The following KLF13 variants were observed in gnomAD, a reference collection of about 807,000 sequenced individuals.
KLF13 encodes the protein Krueppel-like factor 13.
In KLF13, 8 loss-of-function variants were observed where a neutral mutation model predicts 16.7. That is an observed-to-expected ratio of 0.48 (90% CI 0.28 to 0.87). The LOEUF is 0.87. Ranked by LOEUF, KLF13 falls within the 40% of genes least tolerant of loss-of-function variation. The pLI, the probability that KLF13 is intolerant of heterozygous loss-of-function variation, is 0.10. For synonymous variants in KLF13, 245 were observed against 208.4 expected (o/e 1.18, Z -1.51); for missense variants, 447 against 452.2 (o/e 0.99, Z 0.10).
In KLF13 at chr15:31,327,123, C is replaced by G. The variant is rs2038722904; in HGVS notation, c.-90C>G. On this transcript the variant is annotated 5_prime_UTR_variant, in exon 1 of 2. Coordinates refer to ENST00000307145, the MANE Select transcript of KLF13 (RefSeq NM_015995.4). ...CCGAGGAGAGGGCGCGCCGCGCCCC[C>G]GCCCCCCGCCCGCTCTCCCGAGGCC... is the stretch of plus-strand genomic sequence containing the variant. The G allele has an allele frequency of 1.8e-6, 2 of 1,122,662 alleles. No homozygotes were observed. The highest frequency in any genetic ancestry group is 2.2e-6 in the Non-Finnish European group (2 of 903,246). The allele number at this position is 1,122,662 out of a possible 1,614,324, so 69.5% of individuals were successfully genotyped here. A position where few individuals can be genotyped will look rare whatever the true frequency, so the allele number is the denominator to read the frequency against.
At chr15:31,399,941 C>T (rs2040010830) in intron 2 of KLF13, among the ~76,000 whole-genome samples, 1 of 152,236 alleles carries the variant, frequency 6.6e-6, no homozygotes, top group Non-Finnish European at 1.5e-5. Flanking sequence ...CTCTTCAAAG[C>T]TTTAGCTGCC....
chr15:31,328,500 C>T (rs1277102237), intron 1 of KLF13, among the ~76,000 whole-genome samples: 1 of 152,006 alleles, frequency 6.6e-6, no homozygotes, highest in African/African-American at 2.4e-5. Context: ...CGGCCCTAGG[C>T]TCCTCGGCCT....
Position 31,373,380 on chromosome 15 carries a change from C to T in KLF13, c.*1081C>T, listed in dbSNP as rs2039588297. 1 of 152,230 alleles carries T rather than the reference C, an allele frequency of 6.6e-6. No individual in the cohort carries two copies. Among genetic ancestry groups the T allele is most frequent in the South Asian group, 2.1e-4 (1 of 4,824 alleles). 9.4% of individuals were successfully genotyped at this position (152,230 alleles called of 1,614,324 possible). On this transcript the variant is annotated 3_prime_UTR_variant, in exon 2 of 2. Coordinates refer to ENST00000307145, the MANE Select transcript of KLF13 (RefSeq NM_015995.4). The stretch of plus-strand genomic sequence containing the variant: ...AGAGACCGGAACATTGTGACTTGGA[C>T]CTTTTCAGGAGTGGCGCGGATGTTA...
chr15:31,411,589 T>A lies in KLF13; in HGVS notation n.117+17898T>A, dbSNP rs148473169. Among the ~76,000 whole-genome samples, 240 of 150,266 alleles carry A rather than the reference T, an allele frequency of 1.6e-3. 1 individual carries two copies. Among genetic ancestry groups the A allele is most frequent in the African/African-American group, 5.6e-3 (228 of 40,746 alleles). On this transcript the variant is annotated intron_variant and non_coding_transcript_variant, in intron 1 of 1. Coordinates refer to the KLF13 transcript ENST00000558225. ...TTTTTTTTTTTTTTTGTATTTTTAG[T>A]AGAGACGGGGTTTCACCGTGTTAGC...
intron 1 of KLF13, among the ~76,000 whole-genome samples, chr15:31,348,494 A>G (rs1460531158): frequency 1.3e-5 from 2 of 152,186 alleles, no homozygotes; most frequent in Admixed American, 6.5e-5. Flanking sequence ...CCCAGACAGG[A>G]CTGTTGCTTG....
intron 1 of KLF13, among the ~76,000 whole-genome samples, chr15:31,385,982 A>G (rs1399907695): frequency 6.6e-6 from 1 of 152,254 alleles, no homozygotes; most frequent in Non-Finnish European, 1.5e-5. Context: ...ACTCCAGTGA[A>G]TGCATGAATG....
rs2039645530 is a variant in KLF13 at position 31,376,351 on chromosome 15, T to TA, written c.*4058dup. 6.6e-6 allele frequency: 1 copy of TA among 152,316 alleles called. No homozygotes were observed. The highest frequency in any genetic ancestry group is 2.4e-5 in the African/African-American group (1 of 41,432). 9.4% of individuals were successfully genotyped at this position (152,316 alleles called of 1,614,324 possible). On this transcript the variant is annotated 3_prime_UTR_variant, in exon 2 of 2. Coordinates refer to ENST00000307145, the MANE Select transcript of KLF13 (RefSeq NM_015995.4). The stretch of plus-strand genomic sequence containing the variant: ...TGTCACTGATTTTCTTTCCCCCATT[T>TA]AAAAAAGGTCATTTAGTCAAAGACA...
chr15:31,429,966 C>A (rs2040452240), intron 1 of KLF13, among the ~76,000 whole-genome samples: 3 of 152,208 alleles, frequency 2.0e-5, no homozygotes, highest in South Asian at 4.1e-4. Context: ...GATCTCCTGA[C>A]CTTGTGACCG....
At chr15:31,349,145 G>A (rs566545907) in intron 1 of KLF13, among the ~76,000 whole-genome samples, 15 of 152,250 alleles carry the variant, frequency 9.9e-5, no homozygotes, top group African/African-American at 3.6e-4. Flanking sequence ...GGTAGGGTGG[G>A]GTACTGTATC....
chr15:31,400,883 T>C (rs986988766), intron 2 of KLF13, among the ~76,000 whole-genome samples: 1 of 152,038 alleles, frequency 6.6e-6, no homozygotes, highest in African/African-American at 2.4e-5. Context: ...AGGGGCAAGA[T>C]AAGCTGACCC....
At chr15:31,414,484 C>T (rs963022111) in intron 1 of KLF13, among the ~76,000 whole-genome samples, 1 of 152,072 alleles carries the variant, frequency 6.6e-6, no homozygotes, top group African/African-American at 2.4e-5. Flanking sequence ...AAGAAAGACA[C>T]TTTTAATTCA....
chr15:31,355,480 C>G (rs1430904750), intron 1 of KLF13, among the ~76,000 whole-genome samples: 1 of 152,190 alleles, frequency 6.6e-6, no homozygotes, highest in Non-Finnish European at 1.5e-5. Context: ...TCTGTACGTT[C>G]ATTGTGATAA....
intron 1 of KLF13, among the ~76,000 whole-genome samples, chr15:31,434,184 A>G (rs2040503651): frequency 6.6e-6 from 1 of 152,160 alleles, no homozygotes; most frequent in African/African-American, 2.4e-5. Context: ...GACAACTCTC[A>G]ATATCCCCAT....
At chr15:31,335,438 T>TAG in intron 1 of KLF13, among the ~76,000 whole-genome samples, 1 of 63,664 alleles carries the variant, frequency 1.6e-5, no homozygotes, top group Non-Finnish European at 3.5e-5. Context: ...TGTGTGTATG[T>TAG]GTGTGTGTGT....
chr15:31,350,003 T>C (rs1348625243), intron 1 of KLF13, among the ~76,000 whole-genome samples: 1 of 152,236 alleles, frequency 6.6e-6, no homozygotes, highest in Non-Finnish European at 1.5e-5. Flanking sequence ...AGCCTAGCCT[T>C]TGCCGAATTT....
intron 1 of KLF13, among the ~76,000 whole-genome samples, chr15:31,328,896 C>T (rs573779661): frequency 3.3e-5 from 5 of 152,350 alleles, no homozygotes; most frequent in South Asian, 2.1e-4. Flanking sequence ...AGGCTCAAAA[C>T]CCGTCTACTG....
Position 31,327,118 on chromosome 15 carries a change from G to GCCCCCGC in KLF13, c.-85_-79dup, listed in dbSNP as rs905736221. Reference sequence around the variant, plus strand: ...CCAGCCCGAGGAGAGGGCGCGCCGCGCCCCCGCCCCCCGCCCGCTCTCCCG... The same window carrying GCCCCCGC: ...CCAGCCCGAGGAGAGGGCGCGCCGCGCCCCCGCCCCCCGCCCCCCGCCCGCTCTCCCG... On this transcript the variant is annotated 5_prime_UTR_variant, in exon 1 of 2. Transcript: ENST00000307145. The GCCCCCGC allele has an allele frequency of 3.3e-5, 22 of 675,648 alleles. No individual in the cohort carries two copies. Among genetic ancestry groups the GCCCCCGC allele is most frequent in the Middle Eastern group, 7.1e-4 (1 of 1,400 alleles). 41.9% of individuals were successfully genotyped at this position (675,648 alleles called of 1,614,324 possible).
downstream of KLF13, among the ~76,000 whole-genome samples, chr15:31,378,415 T>C (rs1212343023): frequency 1.3e-5 from 2 of 152,130 alleles, no homozygotes; most frequent in African/African-American, 4.8e-5. Context: ...CCCAGGACAC[T>C]GGGAGTCTGG....
At chr15:31,335,472 TGTGTATGGTGGC>T (rs2038914819) in intron 1 of KLF13, among the ~76,000 whole-genome samples, 1 of 17,818 alleles carries the variant, frequency 5.6e-5, no homozygotes, top group Non-Finnish European at 1.2e-4. Flanking sequence ...TGTGTGTGTG[TGTGTATGGTGGC>T]GGGGCAGGGG....
Sources: allele counts gnomAD v4.1 joint callset (sites outside exome capture counted in the v4.1 genomes callset), GRCh38; gene constraint gnomAD v4.1.1; transcripts MANE v1.5; gene names NCBI Gene and HGNC (gene_info 2026-07-23, HGNC 2026-07-21).